Variants in TPCN1 observed in about 807,000 individuals in gnomAD.
The protein encoded by TPCN1 is two pore channel protein 1.
In TPCN1, 52 loss-of-function variants were observed where a neutral mutation model predicts 108.8. The ratio of observed to expected loss-of-function variants is 0.48; its 90% CI spans 0.38 to 0.60. TPCN1 has a LOEUF of 0.60. Ranked by LOEUF, TPCN1 falls within the 20% of genes least tolerant of loss-of-function variation. The pLI, the probability that TPCN1 is intolerant of heterozygous loss-of-function variation, is 0.00. For synonymous variants in TPCN1, 446 were observed against 433.7 expected, an observed-to-expected ratio of 1.03 and a Z score of -0.35; for missense variants, 806 against 1,072.8, an observed-to-expected ratio of 0.75 and a Z score of 3.47.
rs189411962 is a variant in TPCN1 at position 113,238,416 on chromosome 12, G to A, written c.112+11452G>A. ...TGCAGATATGTCCTGTGAGTGCCACGTGGGTGTGACCCCTGCTCCTTGGCC... is the reference window on the plus strand; with the variant it reads ...TGCAGATATGTCCTGTGAGTGCCACATGGGTGTGACCCCTGCTCCTTGGCC... On this transcript the variant is annotated intron_variant, in intron 2 of 27. Transcript: ENST00000335509. Among the ~76,000 whole-genome samples, 4 of 152,300 alleles carry A rather than the reference G, an allele frequency of 2.6e-5. No homozygotes were observed. The South Asian group carries it at 6.2e-4, about 24-fold the overall frequency.
intron 2 of TPCN1, among the ~76,000 whole-genome samples, chr12:113,244,913 G>A (rs1301753101): frequency 6.6e-6 from 1 of 152,084 alleles, no homozygotes; most frequent in African/African-American, 2.4e-5. Flanking sequence ...TCTCACAGAG[G>A]ATGTGCGAGG....
chr12:113,249,770 C>G (rs1345864284), intron 2 of TPCN1: 2 of 152,320 alleles, frequency 1.3e-5, no homozygotes, highest in African/African-American at 4.8e-5. Context: ...GGTTCTCATC[C>G]CCGACCATGG....
chr12:113,293,957 C>T (rs1956351497), intron 27 of TPCN1: 2 of 153,058 alleles, frequency 1.3e-5, no homozygotes, highest in Non-Finnish European at 2.9e-5. Context: ...CCTGCCTCAG[C>T]CTCCCGAGTA....
In TPCN1 at chr12:113,226,944, A is replaced by G; in HGVS notation, c.92A>G (p.Gln31Arg). 1 of 1,613,688 alleles carries G rather than the reference A, an allele frequency of 6.2e-7. No homozygotes were observed. Among genetic ancestry groups the G allele is most frequent in the Non-Finnish European group, 8.5e-7 (1 of 1,179,908 alleles). Reference sequence around the variant, plus strand: ...CTGGCTCCCTCCAACGGCCTGGGCCAAGAAGAGCTACCTAGCAAAAGTAAG... The same window carrying G: ...CTGGCTCCCTCCAACGGCCTGGGCCGAGAAGAGCTACCTAGCAAAAGTAAG... Reference protein sequence around the residue: ...APLAPSNGLGQEELPSKNGGS... With the variant: ...APLAPSNGLGREELPSKNGGS... The change falls in exon 2 of 28, where the codon CAA becomes CGA. Residue 31 changes from glutamine to arginine, a missense_variant. By Grantham distance (43) the Gln-to-Arg change is conservative. Transcript: ENST00000335509.
intron 2 of TPCN1, chr12:113,245,790 G>A (rs1017322864): frequency 8.2e-6 from 3 of 364,282 alleles, no homozygotes; most frequent in East Asian, 7.5e-5. Flanking sequence ...TGCCCCCTGC[G>A]CCTGCTGGGT....
chr12:113,290,025 A>T (rs1956215574), intron 21 of TPCN1, 103 bp from the exon 22 acceptor site: 1 of 723,998 alleles, frequency 1.4e-6, no homozygotes, highest in African/African-American at 1.8e-5. Flanking sequence ...GCAGAACAGA[A>T]GGATCCTTGG....
chr12:113,280,356 A>T, intron 15 of TPCN1, 161 bp downstream of exon 15: 1 of 534,366 alleles, frequency 1.9e-6, no homozygotes. Context: ...TACCACACGC[A>T]TCCCCGTGCC....
chr12:113,293,311 A>T lies in TPCN1; in HGVS notation c.2296A>T (p.Ser766Cys), dbSNP rs1446474960. The change falls in exon 27 of 28, where the codon AGC becomes TGC. Residue 766 changes from serine to cysteine, a missense_variant. Coordinates refer to ENST00000335509, the MANE Select transcript of TPCN1 (RefSeq NM_017901.6). ...VFLGRRSRTKSDLSLKMYQEE... is the reference protein window; with the variant it reads ...VFLGRRSRTKCDLSLKMYQEE... ...TCTGGGACGGCGATCAAGGACCAAG[A>T]GCGACCTGAGCCTGAAGATGTACCA... The T allele has an allele frequency of 1.2e-6, 2 of 1,614,074 alleles. No individual in the cohort carries two copies. The highest frequency in any genetic ancestry group is 1.7e-6 in the Non-Finnish European group (2 of 1,180,022).
chr12:113,275,808 C>T (rs1484138629), intron 10 of TPCN1, among the ~76,000 whole-genome samples: 2 of 150,808 alleles, frequency 1.3e-5, no homozygotes. Flanking sequence ...AATCTCCTGA[C>T]CTTGTGATCC....
At chr12:113,224,242 G>A (rs949789535) in intron 1 of TPCN1, among the ~76,000 whole-genome samples, 3 of 152,140 alleles carry the variant, frequency 2.0e-5, no homozygotes, top group African/African-American at 7.2e-5. Context: ...TACGTAATCT[G>A]TCTGTGCCTG....
chr12:113,286,958 G>A, intron 18 of TPCN1, 29 bp from the exon 19 acceptor site: 1 of 1,556,926 alleles, frequency 6.4e-7, no homozygotes, highest in Non-Finnish European at 8.9e-7. Context: ...AGGGCCACAG[G>A]GTGGACCTTG....
chr12:113,267,938 C>A lies in TPCN1; in HGVS notation c.510C>A (p.His170Gln), dbSNP rs1566175156. ...RWLGLHTFIR[H>Q]KRTMVKTSVL... ...TGGGCCTCCACACCTTCATCCGGCA[C>A]AAGCGGACCATGGTCAAGGTGATGT... The change falls in exon 5 of 28, where the codon CAC (histidine) becomes CAA (glutamine). Residue 170 changes from histidine (H) to glutamine (Q), a missense_variant. Physicochemically the swap from His to Gln is conservative, Grantham distance 24. Coordinates refer to ENST00000335509, the MANE Select transcript of TPCN1 (RefSeq NM_017901.6). 1 of 1,613,412 alleles carries A rather than the reference C, an allele frequency of 6.2e-7. No homozygotes were observed. The highest frequency in any genetic ancestry group is 1.7e-5 in the Admixed American group (1 of 59,980).
chr12:113,296,749 C>T lies in TPCN1; in HGVS notation c.*673C>T, dbSNP rs1437317502. On this transcript the variant is annotated 3_prime_UTR_variant, in exon 28 of 28. Transcript: ENST00000335509. ...TGGCTCTGCAAGCCTCCCACCCAGC[C>T]TTCTCTGGCTTAACCCTTGTTGGCG... 1 of 152,300 alleles carries T rather than the reference C, an allele frequency of 6.6e-6. No individual in the cohort carries two copies. The highest frequency in any genetic ancestry group is 1.5e-5 in the Non-Finnish European group (1 of 68,104). The allele number at this position is 152,300 out of a possible 1,614,324, so 9.4% of individuals were successfully genotyped here.
rs1240615679 is a variant in TPCN1 at position 113,278,196 on chromosome 12, G to C, written c.1192G>C (p.Asp398His). 1.1e-5 allele frequency: 17 copies of C among 1,613,744 alleles called. No homozygotes were observed. The highest frequency in any genetic ancestry group is 1.4e-5 in the Non-Finnish European group (17 of 1,179,788). The change falls in exon 13 of 28, where the codon GAC (aspartate) becomes CAC (histidine). Residue 398 changes from aspartate to histidine, a missense_variant. Asp to His is a moderately conservative substitution (Grantham distance 81, BLOSUM62 -1). Coordinates refer to ENST00000335509, the MANE Select transcript of TPCN1 (RefSeq NM_017901.6). ...QNNTPLLSLK[D>H]FYDIYEVAAL... ...TTATTTTGCTTTTGGTAGCCTAAAG[G>C]ACTTTTACGATATCTACGAAGTTGC...
At chr12:113,228,557 CTA>C (rs1167219803) in intron 2 of TPCN1, among the ~76,000 whole-genome samples, 1 of 152,206 alleles carries the variant, frequency 6.6e-6, no homozygotes, top group Admixed American at 6.5e-5. Flanking sequence ...TTGCAGTGGG[CTA>C]TGACTGCACC....
At chr12:113,222,297 G>C (rs1184182191) in intron 1 of TPCN1, among the ~76,000 whole-genome samples, 1 of 152,152 alleles carries the variant, frequency 6.6e-6, no homozygotes, top group Non-Finnish European at 1.5e-5. Context: ...AGACTGCCTG[G>C]GTTGAAACTT....
chr12:113,266,034 C>A lies in TPCN1; in HGVS notation c.238-146C>A, dbSNP rs1421927546. On this transcript the variant is annotated intron_variant, in intron 3 of 27. Transcript: ENST00000335509. This position sits in a 1 kb window ranked among gnomAD's most constrained non-coding sequence, Gnocchi z 4.2. ...TGACCACCGTGAGTTTCGCGAAGAT[C>A]ATTTTGATTTTCCAGCATCTTCTGT... The A allele has an allele frequency of 2.3e-6, 2 of 873,668 alleles. No individual in the cohort carries two copies. The highest frequency in any genetic ancestry group is 3.5e-6 in the Non-Finnish European group (2 of 564,372). The allele number at this position is 873,668 out of a possible 1,614,324, so 54.1% of individuals were successfully genotyped here.
intron 22 of TPCN1, 64 bp from the exon 23 acceptor site, chr12:113,290,888 C>A: frequency 6.6e-7 from 1 of 1,517,720 alleles, no homozygotes; most frequent in Non-Finnish European, 9.1e-7. Flanking sequence ...TGGCAAGAGG[C>A]CACTTGAAAT....
At chr12:113,256,624 G>T (rs543102789) in intron 2 of TPCN1, among the ~76,000 whole-genome samples, 1 of 152,272 alleles carries the variant, frequency 6.6e-6, no homozygotes, top group South Asian at 2.1e-4. Context: ...CTGGGCTAAG[G>T]TGATCCTCTC....
Sources: gnomAD v4.1 joint callset for allele counts (sites outside exome capture counted in the v4.1 genomes callset) on GRCh38, gnomAD v4.1.1 for gene constraint, Gnocchi (gnomAD v3.1) non-coding constraint, MANE v1.5 for transcripts, NCBI Gene and HGNC (gene_info 2026-07-23, HGNC 2026-07-21) for gene names.